Variants in DNAH17 observed in about 807,000 individuals in gnomAD.
DNAH17 encodes axonemal beta dynein heavy chain 17.
DNAH17 carries 376 observed loss-of-function variants against 485.6 expected under a neutral mutation model. That is an observed-to-expected ratio of 0.77 (90% CI 0.71 to 0.84). The LOEUF (loss-of-function observed/expected upper bound fraction) is 0.84, where lower values mean the gene tolerates loss of function less well. Among genes scored for constraint, DNAH17 ranks in the 40% least tolerant of loss-of-function variants. DNAH17 has a pLI of 0.00. For missense variants in DNAH17, 6,370 were observed against 5,839.3 expected (o/e 1.09, Z -2.96); for synonymous variants, 3,031 against 2,405.9 (o/e 1.26, Z -7.60).
chr17:78,480,146 C>G, intron 49 of DNAH17, among the ~76,000 whole-genome samples: 1 of 145,436 alleles, frequency 6.9e-6, no homozygotes, highest in South Asian at 2.2e-4. Context: ...GTCAGAAGTT[C>G]GAGACCAGCC....
chr17:78,433,519 C>T (rs2086752907), intron 75 of DNAH17, among the ~76,000 whole-genome samples: 1 of 152,220 alleles, frequency 6.6e-6, no homozygotes, highest in South Asian at 2.1e-4. Flanking sequence ...TTTATGCATT[C>T]TCATAATGGA....
chr17:78,576,581 C>T (rs538191147), intron 1 of DNAH17, among the ~76,000 whole-genome samples: 6 of 152,256 alleles, frequency 3.9e-5, no homozygotes, highest in East Asian at 3.9e-4. Flanking sequence ...CCAGGATCTC[C>T]GAGACCCGGG....
At chr17:78,542,151 T>G (rs1410527435) in intron 17 of DNAH17, among the ~76,000 whole-genome samples, 1 of 151,180 alleles carries the variant, frequency 6.6e-6, no homozygotes, top group Non-Finnish European at 1.5e-5. Context: ...ATACTTTTTT[T>G]TTTTTTTTTT....
chr17:78,519,264 C>A (rs987263414), intron 25 of DNAH17, among the ~76,000 whole-genome samples: 2 of 149,582 alleles, frequency 1.3e-5, no homozygotes, highest in Non-Finnish European at 3.0e-5. Flanking sequence ...AAAAAACACA[C>A]AGAACTGAAT....
intron 13 of DNAH17, 146 bp from the exon 14 acceptor site, chr17:78,558,400 G>A: frequency 1.0e-6 from 1 of 1,002,192 alleles, no homozygotes; most frequent in Non-Finnish European, 1.4e-6. Context: ...TTTGTTGGCA[G>A]GACCAGGACG....
At chr17:78,495,703 G>A (rs747702041) in intron 38 of DNAH17, among the ~76,000 whole-genome samples, 172 bp downstream of exon 38, 49 of 152,254 alleles carry the variant, frequency 3.2e-4, no homozygotes, top group Non-Finnish European at 6.0e-4. Flanking sequence ...CGCCCAAAGT[G>A]CTGACATTAC....
intron 69 of DNAH17, among the ~76,000 whole-genome samples, chr17:78,445,939 G>A (rs2087270887): frequency 6.6e-6 from 1 of 150,472 alleles, no homozygotes; most frequent in African/African-American, 2.4e-5. Flanking sequence ...GGAGGCCGAG[G>A]AGGGGGTGGA....
chr17:78,428,515 A>G lies in DNAH17; in HGVS notation c.12588+10T>C. 1.3e-5 allele frequency: 20 copies of G among 1,587,106 alleles called. No individual in the cohort carries two copies. The highest frequency in any genetic ancestry group is 2.3e-5 in the East Asian group (1 of 43,570). ...TTCCTCTCGCTTGGGAGCAGTTTCA[A>G]AGATCCTGCCTTCTCCTCGCGGGAC... is the stretch of plus-strand genomic sequence containing the variant. On this transcript the variant is annotated intron_variant, in intron 77 of 80. Transcript: ENST00000389840.
intron 55 of DNAH17, among the ~76,000 whole-genome samples, chr17:78,467,689 C>T (rs2088541318): frequency 6.6e-6 from 1 of 152,108 alleles, no homozygotes; most frequent in Admixed American, 6.5e-5. Flanking sequence ...CCAATAGGTC[C>T]AAGGGGTTCT....
In DNAH17 at chr17:78,424,050, G is replaced by T; in HGVS notation, c.13245C>A (p.Arg4415=). ...VIFIKAIPVD[R]METKNIYECP... ...ACTCATAGATGTTCTTGGTCTCCAT[G>T]CGGTCCACAGGAATGGCCTTGATGA... Residue 4415 remains arginine (R), a synonymous_variant, in exon 81 of 81, where the codon CGC becomes CGA. Coordinates refer to ENST00000389840, the MANE Select transcript of DNAH17 (RefSeq NM_173628.4). 6.2e-7 allele frequency: 1 copy of T among 1,614,070 alleles called. No individual in the cohort carries two copies. The highest frequency in any genetic ancestry group is 1.1e-5 in the South Asian group (1 of 91,088).
At chr17:78,494,487 G>T in intron 40 of DNAH17, 106 bp downstream of exon 40, 1 of 1,289,756 alleles carries the variant, frequency 7.8e-7, no homozygotes, top group Non-Finnish European at 1.1e-6. Flanking sequence ...GTAGCATCGG[G>T]AAACGTGCGT....
At chr17:78,444,104 T>C (rs2087179086) in intron 71 of DNAH17, among the ~76,000 whole-genome samples, 1 of 152,098 alleles carries the variant, frequency 6.6e-6, no homozygotes, top group African/African-American at 2.4e-5. Context: ...CTCGATTGAC[T>C]TTACGTTTTG....
chr17:78,447,197 G>A lies in DNAH17; in HGVS notation c.11212-1517C>T, dbSNP rs139455222. On this transcript the variant is annotated intron_variant, in intron 69 of 80. Coordinates refer to ENST00000389840, the MANE Select transcript of DNAH17 (RefSeq NM_173628.4). ...TTGCTTTGACCTCCCAAAGTGTTGG[G>A]ATACTAGGCATGAGCCTCAGTGCCC... Among the ~76,000 whole-genome samples the A allele has an allele frequency of 2.1e-3, 321 of 152,332 alleles. 1 individual carries two copies. Among genetic ancestry groups the A allele is most frequent in the Non-Finnish European group, 3.5e-3 (240 of 68,028 alleles).
intron 71 of DNAH17, among the ~76,000 whole-genome samples, chr17:78,443,315 T>TAC (rs1373388783): frequency 6.6e-6 from 1 of 152,166 alleles, no homozygotes; most frequent in Non-Finnish European, 1.5e-5. Context: ...GAGGGACCTT[T>TAC]ACCTTGGCCT....
intron 70 of DNAH17, among the ~76,000 whole-genome samples, chr17:78,445,006 C>T (rs2087221110): frequency 6.6e-6 from 1 of 152,130 alleles, no homozygotes; most frequent in African/African-American, 2.4e-5. Context: ...GCCTCCTCGG[C>T]AGGGTCTAAC....
At chr17:78,553,297 T>TGTTTG (rs1568244872) in intron 14 of DNAH17, among the ~76,000 whole-genome samples, 2 of 51,324 alleles carry the variant, frequency 3.9e-5, no homozygotes, top group African/African-American at 1.5e-4. Context: ...TTTTTTTTTT[T>TGTTTG]TTTTTTTTTT....
Position 78,480,789 on chromosome 17 carries a change from G to A in DNAH17, c.7650-3C>T, listed in dbSNP as rs1284516543. ...ACGTCAGCTTATGTCTGTCATACCT[G>A]AGGGGGGAAACCAGCATTCATGTTG... On this transcript the variant is annotated splice_polypyrimidine_tract_variant and splice_region_variant and intron_variant, in intron 48 of 80. Coordinates refer to ENST00000389840, the MANE Select transcript of DNAH17 (RefSeq NM_173628.4). The A allele has an allele frequency of 1.9e-6, 3 of 1,608,956 alleles. No homozygotes were observed. The highest frequency in any genetic ancestry group is 2.5e-6 in the Non-Finnish European group (3 of 1,177,142).
At chr17:78,452,405 G>T (rs2087592839) in intron 65 of DNAH17, among the ~76,000 whole-genome samples, 1 of 152,162 alleles carries the variant, frequency 6.6e-6, no homozygotes, top group Admixed American at 6.5e-5. Context: ...GAGGAATGAA[G>T]GACTGACACA....
At position 78,561,046 on chromosome 17, in the gene DNAH17, A is replaced by C. The variant is rs570285443; in HGVS notation, c.1836-111T>G. The C allele has an allele frequency of 4.0e-6, 4 of 997,990 alleles. No individual in the cohort carries two copies. The East Asian group carries it at 1.1e-4, about 26-fold the overall frequency. The allele number at this position is 997,990 out of a possible 1,614,324, so 61.8% of individuals were successfully genotyped here. ...GGGTGCCGAAGCGGCCGGCCACCCA[A>C]TTACTCGAGGCTCACAGACTGAATA... On this transcript the variant is annotated intron_variant, in intron 12 of 80. Transcript: ENST00000389840.
Sources: allele counts gnomAD v4.1 joint callset (sites outside exome capture counted in the v4.1 genomes callset), GRCh38; gene constraint gnomAD v4.1.1; transcripts MANE v1.5; gene names NCBI Gene and HGNC (gene_info 2026-07-23, HGNC 2026-07-21).